Variants in SNRPN observed in about 807,000 individuals in gnomAD.
The protein encoded by SNRPN is small nuclear ribonucleoprotein-associated protein N.
A neutral mutation model predicts 25.2 loss-of-function variants in SNRPN; 7 were observed. The observed-to-expected ratio is 0.28, with a 90% CI of 0.16 to 0.52. The LOEUF (loss-of-function observed/expected upper bound fraction) is 0.52. Ranked by LOEUF, SNRPN falls within the 20% of genes least tolerant of loss-of-function variation. The pLI is 0.96. For synonymous variants in SNRPN, 124 were observed against 110.6 expected, an observed-to-expected ratio of 1.12 and a Z score of -0.76; for missense variants, 196 against 322.5, an observed-to-expected ratio of 0.61 and a Z score of 3.00.
intron 2 of SNRPN, chr15:24,850,559 C>T (rs953138997): frequency 3.3e-5 from 5 of 152,248 alleles, no homozygotes; most frequent in African/African-American, 1.2e-4. Context: ...AGGTGATCCA[C>T]CCGCCTTGGC....
chr15:24,968,146 C>T, intron 3 of SNRPN, 64 bp downstream of exon 3: 3 of 943,404 alleles, frequency 3.2e-6, no homozygotes, highest in South Asian at 2.7e-5. Flanking sequence ...GTTGGGGGTT[C>T]TCTTAATTAT....
Position 24,959,836 on chromosome 15 carries a change from C to A in SNRPN, c.-390-2278C>A, listed in dbSNP as rs140243570. ...ATTATGAATAATGCTACTAGGAACA[C>A]GTATAATACGTTTAATACAAAGAAT... On this transcript the variant is annotated intron_variant, in intron 1 of 9. Coordinates refer to ENST00000390687, the MANE Select transcript of SNRPN (RefSeq NM_003097.6). Among the ~76,000 whole-genome samples, 364 of 152,274 alleles carry A rather than the reference C, an allele frequency of 2.4e-3. 2 individuals are homozygous for A. Among genetic ancestry groups the A allele is most frequent in the African/African-American group, 8.3e-3 (346 of 41,560 alleles).
In SNRPN at chr15:24,974,373, A is replaced by C. The variant is rs770742454; in HGVS notation, c.-81A>C. On this transcript the variant is annotated 5_prime_UTR_variant, in exon 4 of 10. Transcript: ENST00000390687. The stretch of plus-strand genomic sequence containing the variant: ...TTGTTTCTAGGAGAACCTGCGTCAT[A>C]CCTTTATCTATAGCCTTCCCCTAGG... 38 of 1,337,748 alleles carry C rather than the reference A, an allele frequency of 2.8e-5. No individual in the cohort carries two copies. Among genetic ancestry groups the C allele is most frequent in the Non-Finnish European group, 3.8e-5 (35 of 928,258 alleles). 82.9% of individuals were successfully genotyped at this position (1,337,748 alleles called of 1,614,324 possible). A position where few individuals can be genotyped will look rare whatever the true frequency, so the allele number is the denominator to read the frequency against.
At chr15:24,964,765 A>G (rs2075370243) in intron 2 of SNRPN, among the ~76,000 whole-genome samples, 1 of 152,074 alleles carries the variant, frequency 6.6e-6, no homozygotes, top group South Asian at 2.1e-4. Context: ...TATTTTTGTT[A>G]CAGTTTTTTT....
chr15:24,910,876 GCTGCTTTCTC>G (rs1348999554), intron 2 of SNRPN: 129 of 622,868 alleles, frequency 2.1e-4, no homozygotes, highest in Non-Finnish European at 3.3e-4. Context: ...TGCTTTTAGT[GCTGCTTTCTC>G]CTGAAGGACC....
chr15:24,927,240 C>A (rs1177306175), intron 3 of SNRPN, among the ~76,000 whole-genome samples: 1 of 151,910 alleles, frequency 6.6e-6, no homozygotes, highest in Non-Finnish European at 1.5e-5. Flanking sequence ...CCTGCCTGAG[C>A]CTCCAGAATA....
chr15:24,894,922 A>G (rs1391002038), intron 2 of SNRPN, among the ~76,000 whole-genome samples: 1 of 152,146 alleles, frequency 6.6e-6, no homozygotes, highest in African/African-American at 2.4e-5. Context: ...ATGAGAGAAA[A>G]TCATGCAAGT....
intron 1 of SNRPN, among the ~76,000 whole-genome samples, chr15:24,826,930 G>T (rs1457092486): frequency 2.0e-5 from 3 of 151,996 alleles, no homozygotes; most frequent in Non-Finnish European, 4.4e-5. Context: ...ACATGGCTAG[G>T]CTATATGGTA....
At chr15:24,969,092 CAGTT>C (rs1237078308) in intron 3 of SNRPN, among the ~76,000 whole-genome samples, 1 of 151,950 alleles carries the variant, frequency 6.6e-6, no homozygotes, top group South Asian at 2.1e-4. Context: ...CAACTTGAAT[CAGTT>C]AGGCTTGTTT....
At chr15:24,834,751 C>CTCTCTATA in intron 2 of SNRPN, among the ~76,000 whole-genome samples, 763 of 60,934 alleles carry the variant, frequency 0.013, 19 homozygotes, top group Non-Finnish European at 0.021. Flanking sequence ...CTCTCTCTCT[C>CTCTCTATA]TATATATATA....
At chr15:24,949,359 C>T (rs2062090327) in intron 3 of SNRPN, among the ~76,000 whole-genome samples, 1 of 151,964 alleles carries the variant, frequency 6.6e-6, no homozygotes, top group Admixed American at 6.6e-5. Context: ...ATAAAAAGAA[C>T]CATAAAAACG....
At chr15:24,970,718 A>G (rs2076292444) in intron 3 of SNRPN, among the ~76,000 whole-genome samples, 1 of 152,178 alleles carries the variant, frequency 6.6e-6, no homozygotes, top group African/African-American at 2.4e-5. Context: ...TTTTTGTTAC[A>G]TTGTTTTCTA....
intron 1 of SNRPN, among the ~76,000 whole-genome samples, chr15:24,957,583 C>T (rs2063134299): frequency 6.6e-6 from 1 of 152,160 alleles, no homozygotes; most frequent in Admixed American, 6.5e-5. Flanking sequence ...CATTTTCCCT[C>T]TATCATAACT....
chr15:24,975,269 G>C (rs1566975349), intron 4 of SNRPN, 89 bp from the exon 5 acceptor site: 1 of 1,021,842 alleles, frequency 9.8e-7, no homozygotes, highest in South Asian at 1.5e-5. Context: ...ACCAGGCTTA[G>C]ATTATGTAAG....
At position 24,973,515 on chromosome 15, in the gene SNRPN, A is replaced by C. The variant is rs538503865; in HGVS notation, c.-143-796A>C. Among the ~76,000 whole-genome samples, 433 of 152,168 alleles carry C rather than the reference A, an allele frequency of 2.8e-3. 2 individuals are homozygous for C. Among genetic ancestry groups the C allele is most frequent in the Non-Finnish European group, 4.8e-3 (328 of 68,004 alleles). On this transcript the variant is annotated intron_variant, in intron 3 of 9. Transcript: ENST00000390687. Reference sequence around the variant, plus strand: ...CAGGTTCAAGCGATTCTCCTACCTCAGCCTCTCAAGTAGCTGGGATTACAG... The same window carrying C: ...CAGGTTCAAGCGATTCTCCTACCTCCGCCTCTCAAGTAGCTGGGATTACAG...
chr15:24,910,183 T>C lies in SNRPN; in HGVS notation c.-504-9828T>C, dbSNP rs552903861. 3.9e-5 allele frequency among the ~76,000 whole-genome samples: 6 copies of C among 152,260 alleles called. No individual in the cohort carries two copies. In the East Asian group the frequency reaches 1.2e-3, roughly 29 times the overall value. ...GTATTTCTGTGTCTTAATAGTTTTT[T>C]GGAGGGTAGAATGTAAGAGCGATGA... is the stretch of plus-strand genomic sequence containing the variant. On this transcript the variant is annotated intron_variant, in intron 2 of 11. Coordinates refer to the SNRPN transcript ENST00000400097.
chr15:24,838,027 CTTTA>C (rs1277725454), intron 2 of SNRPN, among the ~76,000 whole-genome samples: 2 of 145,798 alleles, frequency 1.4e-5, no homozygotes, highest in South Asian at 4.6e-4. Flanking sequence ...CCGGCCAACT[CTTTA>C]TTTATTTATT....
chr15:24,934,746 G>A (rs1423940156), intron 3 of SNRPN, among the ~76,000 whole-genome samples: 2 of 152,048 alleles, frequency 1.3e-5, no homozygotes, highest in Non-Finnish European at 2.9e-5. Context: ...TGGTAGAGAC[G>A]GGGTTTCACC....
chr15:24,829,381 CAG>C (rs1445031811), intron 1 of SNRPN, among the ~76,000 whole-genome samples: 2 of 151,944 alleles, frequency 1.3e-5, no homozygotes, highest in Non-Finnish European at 1.5e-5. Context: ...GTCCAGCAAA[CAG>C]GGCAGGGAAA....
Sources: gnomAD v4.1 joint callset for allele counts (sites outside exome capture counted in the v4.1 genomes callset) on GRCh38, gnomAD v4.1.1 for gene constraint, MANE v1.5 for transcripts, NCBI Gene and HGNC (gene_info 2026-07-23, HGNC 2026-07-21) for gene names.